Variants in CADPS2 observed in about 807,000 individuals in gnomAD.
CADPS2 encodes calcium dependent secretion activator 2.
Under a neutral mutation model 172.5 loss-of-function variants are expected in CADPS2, and 93 were observed. The observed-to-expected ratio is 0.54, with a 90% CI of 0.46 to 0.64. The LOEUF (loss-of-function observed/expected upper bound fraction) is 0.64, where lower values mean the gene tolerates loss of function less well. Among genes scored for constraint, CADPS2 ranks in the 30% least tolerant of loss-of-function variants. The probability of loss-of-function intolerance (pLI) is 0.00; values close to 1 mark genes in which losing one functional copy is unlikely to be tolerated. For synonymous variants in CADPS2, 546 were observed against 555.2 expected, an observed-to-expected ratio of 0.98 and a Z score of 0.23; for missense variants, 1,420 against 1,565.9, an observed-to-expected ratio of 0.91 and a Z score of 1.57.
At chr7:122,698,186 C>T in intron 2 of CADPS2, 1 of 1,613,888 alleles carries the variant, frequency 6.2e-7, no homozygotes, top group Non-Finnish European at 8.5e-7. Context: ...TCTTCATCCC[C>T]CTCTTTTACT....
chr7:122,335,089 A>G (rs970548575), intron 28 of CADPS2, among the ~76,000 whole-genome samples: 1 of 152,220 alleles, frequency 6.6e-6, no homozygotes, highest in African/African-American at 2.4e-5. Flanking sequence ...CTGAAGTTTT[A>G]ATCTCAACAT....
intron 1 of CADPS2, among the ~76,000 whole-genome samples, chr7:122,884,877 G>C (rs968562346): frequency 6.6e-6 from 1 of 152,186 alleles, no homozygotes; most frequent in African/African-American, 2.4e-5. Context: ...TAGGGAGACT[G>C]AATTTACTCT....
chr7:122,318,470 T>C lies in CADPS2; in HGVS notation c.*1695A>G, dbSNP rs1026745141. The stretch of plus-strand genomic sequence containing the variant: ...TTATTGAAAGGAAAAGAAGGGTGGG[T>C]AATTACTAAGTACAGAGCAATGTGT... On this transcript the variant is annotated 3_prime_UTR_variant, in exon 30 of 30. Transcript: ENST00000449022. The C allele has an allele frequency of 2.6e-5, 4 of 152,248 alleles. No individual in the cohort carries two copies. Among genetic ancestry groups the C allele is most frequent in the African/African-American group, 9.7e-5 (4 of 41,444 alleles). 9.4% of individuals were successfully genotyped at this position (152,248 alleles called of 1,614,324 possible). A position where few individuals can be genotyped will look rare whatever the true frequency, so the allele number is the denominator to read the frequency against.
intron 13 of CADPS2, among the ~76,000 whole-genome samples, chr7:122,471,857 C>T (rs1309831982): frequency 6.6e-6 from 1 of 152,114 alleles, no homozygotes; most frequent in Non-Finnish European, 1.5e-5. Flanking sequence ...AATTATCACA[C>T]ACAAAGAGTG....
intron 4 of CADPS2, among the ~76,000 whole-genome samples, chr7:122,623,823 C>T (rs570190248): frequency 6.6e-6 from 1 of 152,080 alleles, no homozygotes; most frequent in East Asian, 1.9e-4. Flanking sequence ...AAGAAAAAGG[C>T]GAGCATGTCA....
At position 122,554,530 on chromosome 7, in the gene CADPS2, A is replaced by G; in HGVS notation, c.1475+20T>C. ...TGAAATTCAATAATTCAGGAAAAAA[A>G]TCCTCAAATTTATACTCACCCACTA... On this transcript the variant is annotated intron_variant, in intron 8 of 29. Transcript: ENST00000449022. 3 of 1,550,522 alleles carry G rather than the reference A, an allele frequency of 1.9e-6. No individual in the cohort carries two copies. The highest frequency in any genetic ancestry group is 2.6e-6 in the Non-Finnish European group (3 of 1,150,136).
At chr7:122,703,620 G>A (rs1280679707) in intron 2 of CADPS2, among the ~76,000 whole-genome samples, 1 of 152,146 alleles carries the variant, frequency 6.6e-6, no homozygotes, top group Non-Finnish European at 1.5e-5. Flanking sequence ...AGAGGCTAAG[G>A]ATTTTGGATG....
chr7:122,866,061 G>A (rs1386549706), intron 1 of CADPS2, among the ~76,000 whole-genome samples: 2 of 152,186 alleles, frequency 1.3e-5, no homozygotes, highest in African/African-American at 4.8e-5. Flanking sequence ...ATGTGACTGG[G>A]AATGGGAAAA....
intron 1 of CADPS2, among the ~76,000 whole-genome samples, chr7:122,782,659 T>C (rs1014432209): frequency 6.6e-6 from 1 of 152,216 alleles, no homozygotes; most frequent in African/African-American, 2.4e-5. Flanking sequence ...TTTCCTTCTT[T>C]GCTTAGTCTT....
chr7:122,851,543 G>C (rs1331235705), intron 1 of CADPS2, among the ~76,000 whole-genome samples: 1 of 152,158 alleles, frequency 6.6e-6, no homozygotes, highest in Non-Finnish European at 1.5e-5. Context: ...GTATTAGTCT[G>C]CTCTCATGCT....
chr7:122,487,011 CTTTTT>C (rs535575706), intron 11 of CADPS2, among the ~76,000 whole-genome samples: 7 of 123,250 alleles, frequency 5.7e-5, no homozygotes, highest in Admixed American at 8.6e-5. Flanking sequence ...ATAAACATAA[CTTTTT>C]TTTTTTTTTT....
chr7:122,404,353 A>G (rs1332900712), intron 20 of CADPS2, among the ~76,000 whole-genome samples: 2 of 152,144 alleles, frequency 1.3e-5, no homozygotes, highest in Non-Finnish European at 2.9e-5. Context: ...ATAGTATTCC[A>G]TGGTGTATAT....
chr7:122,866,046 T>G lies in CADPS2; in HGVS notation c.339+19953A>C, dbSNP rs545167761. Among the ~76,000 whole-genome samples, 3 of 152,342 alleles carry G rather than the reference T, an allele frequency of 2.0e-5. No homozygotes were observed. The South Asian group carries it at 6.2e-4, about 32-fold the overall frequency. The stretch of plus-strand genomic sequence containing the variant: ...CATTAATAGTTAAAAGAATTTCTTC[T>G]GGGAATGTGACTGGGAATGGGAAAA... On this transcript the variant is annotated intron_variant, in intron 1 of 29. Coordinates refer to ENST00000449022, the MANE Select transcript of CADPS2 (RefSeq NM_017954.11).
At chr7:122,461,404 G>A (rs1246641751) in intron 14 of CADPS2, among the ~76,000 whole-genome samples, 4 of 151,966 alleles carry the variant, frequency 2.6e-5, no homozygotes, top group African/African-American at 9.7e-5. Flanking sequence ...CAATATCATG[G>A]CAGGTAGATT....
Position 122,407,606 on chromosome 7 carries a change from G to A in CADPS2, c.2680C>T (p.Gln894Ter). The A allele has an allele frequency of 1.2e-6, 2 of 1,612,076 alleles. No individual in the cohort carries two copies. The highest frequency in any genetic ancestry group is 4.5e-5 in the East Asian group (2 of 44,856). ...AAACTATCCCAGGAGTCTTGCGGTT[G>A]AGCCTCTAGTGCAGTGTCCATATCC... Reference protein sequence around the residue: ...TVDMDTALEAQPQDSWDSFPL... With the variant: ...TVDMDTALEA The change falls in exon 20 of 30, where the codon CAA becomes TAA. Residue 894 changes from glutamine (Q) to a stop codon, truncating the protein, a stop_gained. Transcript: ENST00000449022. LOFTEE classifies it high-confidence loss of function.
intron 17 of CADPS2, among the ~76,000 whole-genome samples, chr7:122,428,855 C>T (rs1044475554): frequency 6.6e-6 from 1 of 152,100 alleles, no homozygotes; most frequent in Non-Finnish European, 1.5e-5. Context: ...GAATGACTGT[C>T]TCAAGGAAAA....
chr7:122,645,681 A>ATATATATCTATCTCTC lies in CADPS2; in HGVS notation c.787-16354_787-16353insGAGAGATAGATATATA, dbSNP rs796988558. 5.9e-3 allele frequency among the ~76,000 whole-genome samples: 686 copies of ATATATATCTATCTCTC among 116,796 alleles called. 8 individuals are homozygous for ATATATATCTATCTCTC. Among genetic ancestry groups the ATATATATCTATCTCTC allele is most frequent in the African/African-American group, 0.021 (644 of 31,376 alleles). The allele number at this position is 116,796 out of a possible 152,430, so 76.6% of individuals were successfully genotyped here. ...AAGATATATATATATATATATATATATCTTGGGATTTTGCTCTTAGTTAGA... is the reference window on the plus strand; with the variant it reads ...AAGATATATATATATATATATATATATATATATCTATCTCTCTCTTGGGATTTTGCTCTTAGTTAGA... On this transcript the variant is annotated intron_variant, in intron 3 of 29. Coordinates refer to ENST00000449022, the MANE Select transcript of CADPS2 (RefSeq NM_017954.11).
intron 20 of CADPS2, among the ~76,000 whole-genome samples, chr7:122,396,146 A>G (rs1030768367): frequency 6.6e-6 from 1 of 152,080 alleles, no homozygotes; most frequent in Non-Finnish European, 1.5e-5. Context: ...AAGGTAACTG[A>G]GGCATAGAGA....
chr7:122,389,934 T>G (rs2044161110), intron 22 of CADPS2, among the ~76,000 whole-genome samples: 1 of 152,082 alleles, frequency 6.6e-6, no homozygotes, highest in Non-Finnish European at 1.5e-5. Context: ...CCACATTGTT[T>G]CGCTAAATAT....
Sources: gnomAD v4.1 joint callset for allele counts (sites outside exome capture counted in the v4.1 genomes callset) on GRCh38, gnomAD v4.1.1 for gene constraint, MANE v1.5 for transcripts, NCBI Gene and HGNC (gene_info 2026-07-23, HGNC 2026-07-21) for gene names.